Variants in NAALADL2 observed in about 807,000 individuals in gnomAD.
NAALADL2 encodes inactive N-acetylated-alpha-linked acidic dipeptidase-like protein 2.
In NAALADL2, 76 loss-of-function variants were observed where a neutral mutation model predicts 87.2. The observed-to-expected ratio is 0.87, with a 90% CI of 0.72 to 1.05. The LOEUF (loss-of-function observed/expected upper bound fraction) is 1.05, where lower values mean the gene tolerates loss of function less well. Among genes scored for constraint, NAALADL2 ranks in the 50% least tolerant of loss-of-function variants. The pLI is 0.00. For missense variants in NAALADL2, 1,089 were observed against 945.8 expected, an observed-to-expected ratio of 1.15 and a Z score of -1.99; for synonymous variants, 354 against 331.0, an observed-to-expected ratio of 1.07 and a Z score of -0.75.
chr3:175,277,903 G>A (rs1225961702), intron 4 of NAALADL2, among the ~76,000 whole-genome samples: 2 of 152,124 alleles, frequency 1.3e-5, no homozygotes, highest in African/African-American at 4.8e-5. Flanking sequence ...CTTAGACAAT[G>A]CTTCCCTGAT....
At chr3:175,039,669 A>T (rs1560504433) in intron 1 of NAALADL2, among the ~76,000 whole-genome samples, 1 of 152,138 alleles carries the variant, frequency 6.6e-6, no homozygotes, top group Non-Finnish European at 1.5e-5. Flanking sequence ...GCTAGTTTTA[A>T]ACTTACTAGA....
chr3:175,098,526 G>T (rs1346550687), intron 2 of NAALADL2, among the ~76,000 whole-genome samples: 1 of 152,048 alleles, frequency 6.6e-6, no homozygotes, highest in African/African-American at 2.4e-5. Context: ...AACCTCAGCT[G>T]GAGACACCAC....
chr3:175,406,690 A>G (rs1349700302), intron 5 of NAALADL2, among the ~76,000 whole-genome samples: 2 of 152,082 alleles, frequency 1.3e-5, no homozygotes, highest in African/African-American at 2.4e-5. Context: ...TCTATCCTGT[A>G]TATATACCAT....
At chr3:175,193,633 T>C (rs1219251690) in intron 2 of NAALADL2, among the ~76,000 whole-genome samples, 1 of 151,844 alleles carries the variant, frequency 6.6e-6, no homozygotes, top group African/African-American at 2.4e-5. Flanking sequence ...GTTTCAAATA[T>C]TAGAGGCAAA....
At chr3:174,637,029 T>C (rs1332641896) in intron 2 of NAALADL2, among the ~76,000 whole-genome samples, 4 of 152,114 alleles carry the variant, frequency 2.6e-5, no homozygotes, top group Non-Finnish European at 2.9e-5. Flanking sequence ...GCAACGTGGA[T>C]AGAACTGGAA....
chr3:175,417,523 T>A (rs759224663), intron 5 of NAALADL2, among the ~76,000 whole-genome samples: 58 of 151,238 alleles, frequency 3.8e-4, no homozygotes, highest in Non-Finnish European at 5.2e-4. Context: ...TAATGAGTTT[T>A]AAAAAAAAAC....
At chr3:174,942,447 C>G (rs149600514) in intron 1 of NAALADL2, among the ~76,000 whole-genome samples, 187 of 152,274 alleles carry the variant, frequency 1.2e-3, no homozygotes, top group African/African-American at 4.2e-3. Flanking sequence ...TGCCCTTTCT[C>G]TCTAGCTGCC....
chr3:174,754,466 CTT>C (rs11285494), intron 3 of NAALADL2, among the ~76,000 whole-genome samples: 310 of 125,474 alleles, frequency 2.5e-3, no homozygotes, highest in African/African-American at 5.5e-3. Flanking sequence ...ACAGAGCTAT[CTT>C]TTTTTTTTTT....
chr3:174,716,004 C>A (rs551284765), intron 2 of NAALADL2, among the ~76,000 whole-genome samples: 8 of 152,100 alleles, frequency 5.3e-5, no homozygotes, highest in African/African-American at 1.9e-4. Flanking sequence ...TTTTGTTCTT[C>A]TCATGTTTGC....
intron 5 of NAALADL2, among the ~76,000 whole-genome samples, chr3:175,394,589 T>C (rs1327763984): frequency 6.6e-6 from 1 of 152,180 alleles, no homozygotes; most frequent in Non-Finnish European, 1.5e-5. Context: ...AGAAACTAGA[T>C]TTAGACACAA....
At chr3:175,169,634 T>C (rs1734503064) in intron 2 of NAALADL2, among the ~76,000 whole-genome samples, 1 of 151,754 alleles carries the variant, frequency 6.6e-6, no homozygotes, top group Admixed American at 6.6e-5. Flanking sequence ...TTTTTATCCG[T>C]TTTTATTTTT....
intron 2 of NAALADL2, among the ~76,000 whole-genome samples, chr3:175,218,718 T>C (rs1283430393): frequency 6.6e-6 from 1 of 152,136 alleles, no homozygotes; most frequent in Non-Finnish European, 1.5e-5. Flanking sequence ...CTGTGAGACT[T>C]ATCCATGGTG....
intron 10 of NAALADL2, among the ~76,000 whole-genome samples, chr3:175,589,864 A>T (rs186002433): frequency 6.6e-6 from 1 of 151,626 alleles, no homozygotes; most frequent in Admixed American, 6.6e-5. Context: ...GTGGCAGAGC[A>T]TGAGAGTACT....
chr3:174,798,570 TG>T lies in NAALADL2; in HGVS notation c.-9+60825del, dbSNP rs1295799315. 3.3e-4 allele frequency among the ~76,000 whole-genome samples: 50 copies of T among 152,294 alleles called. No individual in the cohort carries two copies. In the South Asian group the frequency reaches 4.6e-3, roughly 14 times the overall value. On this transcript the variant is annotated intron_variant, in intron 3 of 3. Coordinates refer to the NAALADL2 transcript ENST00000434257. ...AGACTTGTGATCAATAAACATGGGATGTTTTTCCATTCATTTTTACCTTTAG... is the reference window on the plus strand; with the variant it reads ...AGACTTGTGATCAATAAACATGGGATTTTTTCCATTCATTTTTACCTTTAG...
chr3:174,460,304 A>G (rs910748182), intron 1 of NAALADL2, among the ~76,000 whole-genome samples: 1 of 152,098 alleles, frequency 6.6e-6, no homozygotes. Flanking sequence ...AAATTGAAGC[A>G]TTTAGCATTT....
chr3:174,557,795 G>A (rs1713034928), intron 2 of NAALADL2, among the ~76,000 whole-genome samples: 1 of 152,068 alleles, frequency 6.6e-6, no homozygotes, highest in Non-Finnish European at 1.5e-5. Flanking sequence ...ACCAGACCCA[G>A]CATATAGTCA....
At chr3:174,918,322 A>G (rs1734686022) in intron 1 of NAALADL2, among the ~76,000 whole-genome samples, 1 of 152,292 alleles carries the variant, frequency 6.6e-6, no homozygotes, top group African/African-American at 2.4e-5. Context: ...TCAGTGGGAT[A>G]TTAGCCCCTC....
chr3:174,636,175 AC>A (rs1722627655), intron 2 of NAALADL2, among the ~76,000 whole-genome samples: 1 of 152,192 alleles, frequency 6.6e-6, no homozygotes, highest in Non-Finnish European at 1.5e-5. Flanking sequence ...TTCACCACAT[AC>A]AAAAATCAAC....
At chr3:175,107,887 G>A (rs534723276) in intron 2 of NAALADL2, among the ~76,000 whole-genome samples, 1 of 151,534 alleles carries the variant, frequency 6.6e-6, no homozygotes, top group Admixed American at 6.6e-5. Flanking sequence ...TCAGTTTGTG[G>A]CATCAAAATG....
Sources: gnomAD v4.1 joint callset for allele counts (sites outside exome capture counted in the v4.1 genomes callset) on GRCh38, gnomAD v4.1.1 for gene constraint, MANE v1.5 for transcripts, NCBI Gene and HGNC (gene_info 2026-07-23, HGNC 2026-07-21) for gene names.